Variants in PTPRK observed in about 807,000 individuals in gnomAD.
PTPRK encodes receptor-type tyrosine-protein phosphatase kappa.
In PTPRK, 75 loss-of-function variants were observed where a neutral mutation model predicts 178.0. The ratio of observed to expected loss-of-function variants is 0.42; its 90% CI spans 0.35 to 0.51. The LOEUF is 0.51. Ranked by LOEUF, PTPRK falls within the 20% of genes least tolerant of loss-of-function variation. PTPRK has a pLI of 0.02. For synonymous variants in PTPRK, 637 were observed against 620.6 expected, an observed-to-expected ratio of 1.03 and a Z score of -0.39; for missense variants, 1,441 against 1,797.8, an observed-to-expected ratio of 0.80 and a Z score of 3.59.
rs576766485 is a variant in PTPRK, at chr6:128,038,240, C to T, written c.2194+26518G>A. On this transcript the variant is annotated intron_variant, in intron 13 of 29. Coordinates refer to ENST00000368226, the MANE Select transcript of PTPRK (RefSeq NM_002844.4). ...ATTTAAAATACTAATGTACTTTATA[C>T]ACATTTTTTATGATTGTGATGACAT... Among the ~76,000 whole-genome samples the T allele has an allele frequency of 5.3e-5, 8 of 152,166 alleles. No homozygotes were observed. In the South Asian group the frequency reaches 1.7e-3, roughly 32 times the overall value.
At chr6:128,078,597 T>C (rs567075192) in intron 11 of PTPRK, among the ~76,000 whole-genome samples, 15 of 152,154 alleles carry the variant, frequency 9.9e-5, no homozygotes, top group Non-Finnish European at 1.8e-4. Flanking sequence ...TTAAAATACA[T>C]AGTTGTTCTA....
intron 2 of PTPRK, among the ~76,000 whole-genome samples, chr6:128,373,734 C>T (rs1035063092): frequency 6.6e-6 from 1 of 152,098 alleles, no homozygotes; most frequent in Admixed American, 6.6e-5. Flanking sequence ...AGAATGCAGG[C>T]TTCTCCATCT....
At chr6:128,428,773 A>G (rs1844481006) in intron 1 of PTPRK, among the ~76,000 whole-genome samples, 1 of 152,210 alleles carries the variant, frequency 6.6e-6, no homozygotes, top group Non-Finnish European at 1.5e-5. Context: ...CAATGGTGCA[A>G]AGGTCATATA....
intron 10 of PTPRK, among the ~76,000 whole-genome samples, chr6:128,081,771 A>G (rs1490354642): frequency 6.6e-6 from 1 of 152,098 alleles, no homozygotes; most frequent in Non-Finnish European, 1.5e-5. Flanking sequence ...GGCATACTAC[A>G]AAGCTAACTC....
intron 16 of PTPRK, among the ~76,000 whole-genome samples, chr6:127,997,301 G>A (rs1049730914): frequency 3.9e-5 from 6 of 152,060 alleles, no homozygotes; most frequent in Non-Finnish European, 7.4e-5. Context: ...TTTTCAAAAC[G>A]TATTGAATGA....
At chr6:128,245,343 A>G (rs1236007012) in intron 3 of PTPRK, among the ~76,000 whole-genome samples, 1 of 152,182 alleles carries the variant, frequency 6.6e-6, no homozygotes, top group Non-Finnish European at 1.5e-5. Flanking sequence ...TGTTAAGTAA[A>G]TTTTAAATTT....
intron 1 of PTPRK, among the ~76,000 whole-genome samples, chr6:128,432,308 G>A (rs991668505): frequency 3.3e-5 from 5 of 152,136 alleles, no homozygotes; most frequent in Admixed American, 2.6e-4. Context: ...AAATCTTTTA[G>A]GAATTACTAC....
chr6:128,017,303 T>C (rs1480994994), intron 13 of PTPRK, among the ~76,000 whole-genome samples: 1 of 152,070 alleles, frequency 6.6e-6, no homozygotes, highest in Non-Finnish European at 1.5e-5. Flanking sequence ...TACAAGGCTA[T>C]TTGTATTTGA....
intron 3 of PTPRK, among the ~76,000 whole-genome samples, chr6:128,285,751 G>A (rs1043842258): frequency 6.6e-6 from 1 of 152,102 alleles, no homozygotes; most frequent in Non-Finnish European, 1.5e-5. Context: ...AATGAGCCTA[G>A]ATTGTGACAC....
intron 1 of PTPRK, among the ~76,000 whole-genome samples, chr6:128,485,712 C>T (rs1468603078): frequency 6.6e-6 from 1 of 151,990 alleles, no homozygotes; most frequent in East Asian, 1.9e-4. Flanking sequence ...GTAATCACCA[C>T]CAAAGAAAGG....
chr6:128,471,844 T>G (rs1850710267), intron 1 of PTPRK, among the ~76,000 whole-genome samples: 1 of 152,022 alleles, frequency 6.6e-6, no homozygotes, highest in African/African-American at 2.4e-5. Context: ...TCATGCTGAT[T>G]ATGGTTTCTC....
intron 29 of PTPRK, among the ~76,000 whole-genome samples, chr6:127,972,023 G>A (rs761849997): frequency 1.3e-5 from 2 of 152,062 alleles, no homozygotes; most frequent in Non-Finnish European, 2.9e-5. Context: ...AACAACCCAG[G>A]GAAATGAGGT....
chr6:128,294,647 G>C (rs977350467), intron 3 of PTPRK, among the ~76,000 whole-genome samples: 1 of 151,970 alleles, frequency 6.6e-6, no homozygotes, highest in Non-Finnish European at 1.5e-5. Flanking sequence ...GGTAGACAGA[G>C]GGTATATCTG....
intron 15 of PTPRK, among the ~76,000 whole-genome samples, chr6:128,003,453 T>G (rs1778068473): frequency 6.6e-6 from 1 of 151,690 alleles, no homozygotes; most frequent in South Asian, 2.1e-4. Flanking sequence ...CTGTTTAATT[T>G]AAAAAGCCAG....
At chr6:128,111,776 G>A (rs777011789) in intron 7 of PTPRK, among the ~76,000 whole-genome samples, 1 of 151,952 alleles carries the variant, frequency 6.6e-6, no homozygotes, top group Non-Finnish European at 1.5e-5. Flanking sequence ...TCAGTTAGAT[G>A]CCTTTATAAT....
At position 128,458,277 on chromosome 6, in the gene PTPRK, C is replaced by T. The variant is rs1267472038; in HGVS notation, c.101-60589G>A. Among the ~76,000 whole-genome samples the T allele has an allele frequency of 2.0e-5, 3 of 152,092 alleles. No individual in the cohort carries two copies. In the East Asian group the frequency reaches 5.8e-4, roughly 29 times the overall value. ...GGAAACAGGGCCAGTATACAGAGAG[C>T]AGATGAAGAGTCAATCATCTGACAG... is the stretch of plus-strand genomic sequence containing the variant. On this transcript the variant is annotated intron_variant, in intron 1 of 29. Transcript: ENST00000368226.
Position 128,028,939 on chromosome 6 carries a change from A to G in PTPRK, c.2195-19671T>C, listed in dbSNP as rs1774800248. On this transcript the variant is annotated intron_variant, in intron 13 of 29. Transcript: ENST00000368226. ...TAAATCTTTAGTGAGCTAAGAATTC[A>G]GATTCATGGTAAGGTTAGAATTGTG... Among the ~76,000 whole-genome samples the G allele has an allele frequency of 2.0e-5, 3 of 152,188 alleles. No homozygotes were observed. The South Asian group carries it at 6.2e-4, about 32-fold the overall frequency.
At chr6:128,467,856 A>T (rs918951262) in intron 1 of PTPRK, among the ~76,000 whole-genome samples, 3 of 147,174 alleles carry the variant, frequency 2.0e-5, no homozygotes, top group Non-Finnish European at 4.5e-5. Context: ...AGCAAATGTA[A>T]CTGTCCCATT....
intron 3 of PTPRK, among the ~76,000 whole-genome samples, chr6:128,310,035 C>T (rs1457297387): frequency 2.0e-5 from 3 of 152,236 alleles, no homozygotes; most frequent in Middle Eastern, 3.4e-3. Context: ...AATGAATAGC[C>T]TTTCTCTTAT....
Sources: allele counts gnomAD v4.1 joint callset (sites outside exome capture counted in the v4.1 genomes callset), GRCh38; gene constraint gnomAD v4.1.1; transcripts MANE v1.5; gene names NCBI Gene and HGNC (gene_info 2026-07-23, HGNC 2026-07-21).